The following ASIC2 variants were observed in gnomAD, a reference collection of about 807,000 sequenced individuals.
The protein encoded by ASIC2 is acid sensing ion channel subunit 2.
ASIC2 carries 25 observed loss-of-function variants against 57.3 expected under a neutral mutation model. The ratio of observed to expected loss-of-function variants is 0.44; its 90% confidence interval spans 0.32 to 0.61. The LOEUF (loss-of-function observed/expected upper bound fraction) is 0.61, where lower values mean the gene tolerates loss of function less well. ASIC2 is among the 20% of genes least tolerant of loss of function. The pLI, the probability that ASIC2 is intolerant of heterozygous loss-of-function variation, is 0.06. For synonymous variants in ASIC2, 319 were observed against 307.5 expected (o/e 1.04, Z -0.39); for missense variants, 641 against 738.1 (o/e 0.87, Z 1.52).
At chr17:33,568,377 T>G (rs890017773) in intron 1 of ASIC2, among the ~76,000 whole-genome samples, 1 of 152,262 alleles carries the variant, frequency 6.6e-6, no homozygotes, top group African/African-American at 2.4e-5. Context: ...ATTGGACTTG[T>G]GCAACCAACC....
intron 1 of ASIC2, among the ~76,000 whole-genome samples, chr17:33,612,002 C>T (rs1001337347): frequency 6.6e-6 from 1 of 152,188 alleles, no homozygotes; most frequent in African/African-American, 2.4e-5. Context: ...ACCAGAAGGG[C>T]TGATACAGTA....
intron 1 of ASIC2, among the ~76,000 whole-genome samples, chr17:33,243,879 G>A (rs896132744): frequency 4.6e-5 from 7 of 152,228 alleles, no homozygotes; most frequent in African/African-American, 1.7e-4. Flanking sequence ...CTAACCGGGA[G>A]TTGGGAAAAG....
chr17:33,382,587 C>T (rs909961076), intron 1 of ASIC2, among the ~76,000 whole-genome samples: 1 of 152,322 alleles, frequency 6.6e-6, no homozygotes, highest in Admixed American at 6.5e-5. Flanking sequence ...CCCTGCAGAC[C>T]TATTACATGT....
chr17:33,792,099 A>G (rs1269393281), intron 1 of ASIC2: 1 of 152,164 alleles, frequency 6.6e-6, no homozygotes, highest in African/African-American at 2.4e-5. Flanking sequence ...ATGAGCCACC[A>G]CGCCTGGCCT....
chr17:33,319,726 G>T (rs1490644411), intron 1 of ASIC2, among the ~76,000 whole-genome samples: 3 of 152,078 alleles, frequency 2.0e-5, no homozygotes, highest in African/African-American at 7.2e-5. Flanking sequence ...TAGAGATGGG[G>T]TTTCACCATG....
At chr17:33,766,882 T>C (rs1278099411) in intron 1 of ASIC2, among the ~76,000 whole-genome samples, 2 of 152,236 alleles carry the variant, frequency 1.3e-5, no homozygotes, top group African/African-American at 2.4e-5. Flanking sequence ...TACTTTTATT[T>C]GTCAGTGGAT....
chr17:33,057,093 G>A (rs9891386), intron 3 of ASIC2, among the ~76,000 whole-genome samples: 109,270 of 152,040 alleles, frequency 0.72, 39,439 homozygotes, highest in East Asian at 0.86. Flanking sequence ...GCTGTCTGCT[G>A]TAATATTAGG....
chr17:33,876,513 C>G (rs1344431752), intron 1 of ASIC2, among the ~76,000 whole-genome samples: 1 of 152,190 alleles, frequency 6.6e-6, no homozygotes, highest in African/African-American at 2.4e-5. Context: ...TAACCATTTA[C>G]CAGGGACCAC....
upstream of ASIC2, among the ~76,000 whole-genome samples, chr17:33,294,548 AG>A (rs1477184129): frequency 6.6e-6 from 1 of 151,914 alleles, no homozygotes; most frequent in Non-Finnish European, 1.5e-5. Flanking sequence ...AGGACCTCTG[AG>A]CCCCTCATTT....
At chr17:33,414,797 A>C (rs2141967245) in intron 1 of ASIC2, among the ~76,000 whole-genome samples, 1 of 152,324 alleles carries the variant, frequency 6.6e-6, no homozygotes, top group African/African-American at 2.4e-5. Context: ...GCTCTTCAAA[A>C]TGACATCTTT....
chr17:33,015,843 G>A (rs892610300), intron 9 of ASIC2, 128 bp downstream of exon 9: 13 of 943,326 alleles, frequency 1.4e-5, no homozygotes, highest in Non-Finnish European at 2.1e-5. Context: ...GGAACTGACA[G>A]CATGTCCCAA....
chr17:33,252,674 C>T (rs1908925879), intron 1 of ASIC2, among the ~76,000 whole-genome samples: 1 of 152,060 alleles, frequency 6.6e-6, no homozygotes. Context: ...ACTACCTGAT[C>T]TCGTGTGTCC....
chr17:33,087,575 G>GTTTTTTTTTTTTTTTTTTTTTTTT (rs5820015), intron 3 of ASIC2, among the ~76,000 whole-genome samples: 1 of 111,042 alleles, frequency 9.0e-6, no homozygotes, highest in African/African-American at 3.6e-5. Context: ...TACAACCAGT[G>GTTTTTTTTTTTTTTTTTTTTTTTT]TTTTTTTTTT....
intron 1 of ASIC2, among the ~76,000 whole-genome samples, chr17:33,417,274 C>A (rs1040658635): frequency 6.6e-6 from 1 of 152,096 alleles, no homozygotes; most frequent in African/African-American, 2.4e-5. Flanking sequence ...AGTTCAAGCC[C>A]CTAATCCTTA....
At chr17:33,162,349 G>A (rs913483744) in intron 1 of ASIC2, among the ~76,000 whole-genome samples, 2 of 152,128 alleles carry the variant, frequency 1.3e-5, no homozygotes, top group African/African-American at 2.4e-5. Context: ...AAAAAGCATC[G>A]CCACATAAAT....
chr17:33,108,316 C>T (rs2092243262), intron 2 of ASIC2, among the ~76,000 whole-genome samples: 1 of 152,198 alleles, frequency 6.6e-6, no homozygotes, highest in Non-Finnish European at 1.5e-5. Context: ...TCTCCATCAC[C>T]ACCCAAATAT....
chr17:33,207,973 T>C (rs1201470038), intron 1 of ASIC2, among the ~76,000 whole-genome samples: 1 of 152,232 alleles, frequency 6.6e-6, no homozygotes, highest in Non-Finnish European at 1.5e-5. Context: ...TTTCTTGGGA[T>C]CATCTCCCAA....
chr17:33,815,303 T>C (rs986772351), intron 1 of ASIC2, among the ~76,000 whole-genome samples: 10 of 152,176 alleles, frequency 6.6e-5, no homozygotes, highest in Non-Finnish European at 1.3e-4. Context: ...ACCCACTGGG[T>C]AGTTCACACG....
chr17:33,216,480 G>C (rs538032416), intron 1 of ASIC2, among the ~76,000 whole-genome samples: 1 of 152,192 alleles, frequency 6.6e-6, no homozygotes, highest in African/African-American at 2.4e-5. Flanking sequence ...GTGCTGAAGC[G>C]GACTTAGAAG....
Sources: allele counts gnomAD v4.1 joint callset (sites outside exome capture counted in the v4.1 genomes callset), GRCh38; gene constraint gnomAD v4.1.1; transcripts MANE v1.5; gene names NCBI Gene and HGNC (gene_info 2026-07-23, HGNC 2026-07-21).